Variants in SHPRH observed in about 807,000 individuals in gnomAD.
The protein encoded by SHPRH is E3 ubiquitin-protein ligase SHPRH.
In SHPRH, 106 loss-of-function variants were observed where a neutral mutation model predicts 202.5. The ratio of observed to expected loss-of-function variants is 0.52; its 90% CI spans 0.45 to 0.62. The LOEUF is 0.62. Ranked by LOEUF, SHPRH falls within the 20% of genes least tolerant of loss-of-function variation. The pLI is 0.00. For synonymous variants in SHPRH, 729 were observed against 686.0 expected, an observed-to-expected ratio of 1.06 and a Z score of -0.98; for missense variants, 1,710 against 2,020.0, an observed-to-expected ratio of 0.85 and a Z score of 2.94.
At chr6:145,946,480 A>C (rs1787386275) in intron 6 of SHPRH, 139 bp from the exon 7 acceptor site, 8 of 565,170 alleles carry the variant, frequency 1.4e-5, no homozygotes, top group Non-Finnish European at 2.1e-5. Context: ...AAATAGCTGT[A>C]GATACATACA....
rs1784484686 is a variant in SHPRH at position 145,922,208 on chromosome 6, C to A, written c.3782+78G>T. 6 of 1,234,970 alleles carry A rather than the reference C, an allele frequency of 4.9e-6. No individual in the cohort carries two copies. In the South Asian group the frequency reaches 6.7e-5, roughly 14 times the overall value. 76.5% of individuals were successfully genotyped at this position (1,234,970 alleles called of 1,614,324 possible). A position where few individuals can be genotyped will look rare whatever the true frequency, so the allele number is the denominator to read the frequency against. ...TAATAAAGGTTACTGTGGGGGAAAACATAGTCTTATATCACATAACTGAGT... is the reference window on the plus strand; with the variant it reads ...TAATAAAGGTTACTGTGGGGGAAAAAATAGTCTTATATCACATAACTGAGT... On this transcript the variant is annotated intron_variant, in intron 20 of 29. Transcript: ENST00000275233.
chr6:145,938,172 A>C (rs1256134659), intron 11 of SHPRH, among the ~76,000 whole-genome samples: 3 of 151,718 alleles, frequency 2.0e-5, no homozygotes, highest in Non-Finnish European at 4.4e-5. Context: ...CTCAGTCATG[A>C]GGGTGGAACC....
chr6:145,943,490 C>T lies in SHPRH; in HGVS notation c.1891G>A (p.Asp631Asn), dbSNP rs746889920. ...SEFNQEHETE[D>N]CAESLNHADS... ...GCATGATTTAGAGATTCAGCACAGT[C>T]CTCTGTTTCATGTTCTTGGTTGAAT... The change falls in exon 9 of 30, where the codon GAC becomes AAC. Residue 631 changes from aspartate to asparagine, a missense_variant. Transcript: ENST00000275233. The T allele has an allele frequency of 2.1e-5, 34 of 1,613,846 alleles. No homozygotes were observed. Among genetic ancestry groups the T allele is most frequent in the Non-Finnish European group, 2.6e-5 (31 of 1,179,932 alleles).
At chr6:145,953,367 G>C (rs1316660539) in intron 2 of SHPRH, among the ~76,000 whole-genome samples, 3 of 151,990 alleles carry the variant, frequency 2.0e-5, no homozygotes, top group African/African-American at 7.2e-5. Flanking sequence ...TTCAGGATCA[G>C]GAAAAACAGA....
intron 1 of SHPRH, among the ~76,000 whole-genome samples, chr6:145,963,384 G>T (rs1168342694): frequency 1.3e-5 from 2 of 152,160 alleles, no homozygotes; most frequent in Admixed American, 6.6e-5. Flanking sequence ...AAGTTGGAAG[G>T]CATCAAACAT....
In SHPRH at chr6:145,947,533, G is replaced by A. The variant is rs760148600; in HGVS notation, c.1172C>T (p.Thr391Ile). The change falls in exon 6 of 30, where the codon ACT (threonine) becomes ATT (isoleucine). Residue 391 changes from threonine to isoleucine, a missense_variant. Around this residue, in one of 8 missense-constraint regions of SHPRH, gnomAD observed 348 missense variants for 356.9 expected, o/e 0.97. Coordinates refer to ENST00000275233, the MANE Select transcript of SHPRH (RefSeq NM_001042683.3). Reference protein sequence around the residue: ...VEVLALILTHTRQDVKQDALT... With the variant: ...VEVLALILTHIRQDVKQDALT... The stretch of plus-strand genomic sequence containing the variant: ...AGCATCTTGCTTGACATCTTGTCGA[G>A]TATGTGTCAGAATCAGAGCCAAAAC... 22 of 1,612,778 alleles carry A rather than the reference G, an allele frequency of 1.4e-5. No individual in the cohort carries two copies. Among genetic ancestry groups the A allele is most frequent in the Non-Finnish European group, 1.8e-5 (21 of 1,179,302 alleles).
intron 21 of SHPRH, among the ~76,000 whole-genome samples, chr6:145,919,805 C>G (rs1033590472): frequency 1.3e-5 from 2 of 152,090 alleles, no homozygotes; most frequent in Admixed American, 1.3e-4. Flanking sequence ...TTTATTATAA[C>G]ATATTTCACA....
chr6:145,948,185 C>A, intron 5 of SHPRH, 87 bp downstream of exon 5: 1 of 979,996 alleles, frequency 1.0e-6, no homozygotes, highest in Admixed American at 2.4e-5. Flanking sequence ...GAGGTAGAGT[C>A]AAAGTTACAG....
downstream of SHPRH, among the ~76,000 whole-genome samples, chr6:145,862,414 T>TGAA (rs1779610392): frequency 8.9e-6 from 1 of 111,748 alleles, no homozygotes. Flanking sequence ...AGACTCCGTC[T>TGAA]CAACAAAACA....
At chr6:145,872,069 G>A (rs200411463) in intron 2 of SHPRH, among the ~76,000 whole-genome samples, 1 of 152,124 alleles carries the variant, frequency 6.6e-6, no homozygotes, top group East Asian at 1.9e-4. Context: ...AGACTTACAT[G>A]TAAAACCCCA....
chr6:145,908,925 T>C (rs537314239), intron 25 of SHPRH: 1 of 152,250 alleles, frequency 6.6e-6, no homozygotes, highest in Non-Finnish European at 1.5e-5. Context: ...TTAATTTTTG[T>C]GTAAGGTGTA....
chr6:145,894,461 A>C (rs1344558795), intron 26 of SHPRH, among the ~76,000 whole-genome samples: 1 of 151,214 alleles, frequency 6.6e-6, no homozygotes, highest in Non-Finnish European at 1.5e-5. Flanking sequence ...TGAAAATGTA[A>C]TTAAGATAAA....
intron 1 of SHPRH, among the ~76,000 whole-genome samples, chr6:145,962,557 T>C (rs1033465062): frequency 6.6e-6 from 1 of 152,100 alleles, no homozygotes; most frequent in Non-Finnish European, 1.5e-5. Context: ...GCTAGAAAAA[T>C]AAACATAAAA....
Position 145,948,252 on chromosome 6 carries a change from T to C in SHPRH, c.1061+20A>G. 1.3e-6 allele frequency: 2 copies of C among 1,529,180 alleles called. No homozygotes were observed. The highest frequency in any genetic ancestry group is 1.3e-5 in the South Asian group (1 of 77,136). The allele number at this position is 1,529,180 out of a possible 1,614,324, so 94.7% of individuals were successfully genotyped here. On this transcript the variant is annotated intron_variant, in intron 5 of 29. Coordinates refer to ENST00000275233, the MANE Select transcript of SHPRH (RefSeq NM_001042683.3). ...ATATTTATTTTTTAAATCAAGCATA[T>C]AAGTAAAATTTTGCCTTACCAGCCT... is the stretch of plus-strand genomic sequence containing the variant.
chr6:145,958,798 T>C (rs752850568), intron 1 of SHPRH, among the ~76,000 whole-genome samples: 2 of 152,166 alleles, frequency 1.3e-5, no homozygotes, highest in Non-Finnish European at 2.9e-5. Context: ...TATGGACTAG[T>C]GACATCATAG....
At chr6:145,927,671 TTAAGG>T (rs1402843206) in intron 14 of SHPRH, among the ~76,000 whole-genome samples, 1 of 151,832 alleles carries the variant, frequency 6.6e-6, no homozygotes, top group African/African-American at 2.4e-5. Context: ...AAGGATAAAC[TTAAGG>T]TAATTATAGA....
chr6:145,872,760 T>C (rs1418969883), intron 2 of SHPRH, among the ~76,000 whole-genome samples: 1 of 152,196 alleles, frequency 6.6e-6, no homozygotes, highest in African/African-American at 2.4e-5. Flanking sequence ...GCAGCACTAT[T>C]CACAATAGCA....
intron 26 of SHPRH, among the ~76,000 whole-genome samples, chr6:145,894,597 T>C (rs1181244131): frequency 6.6e-6 from 1 of 151,888 alleles, no homozygotes; most frequent in Non-Finnish European, 1.5e-5. Flanking sequence ...CAAATTTTTG[T>C]GAAATGAGAC....
chr6:145,896,570 T>C (rs1218482937), intron 25 of SHPRH, among the ~76,000 whole-genome samples: 1 of 152,080 alleles, frequency 6.6e-6, no homozygotes, highest in Non-Finnish European at 1.5e-5. Context: ...TCAGTGGTAG[T>C]GCTCAATGAT....
Sources: allele counts gnomAD v4.1 joint callset (sites outside exome capture counted in the v4.1 genomes callset), GRCh38; gene constraint gnomAD v4.1.1; regional missense constraint gnomAD v4.1.1; transcripts MANE v1.5; gene names NCBI Gene and HGNC (gene_info 2026-07-23, HGNC 2026-07-21).